The following MFN2 variants were observed in gnomAD, a reference collection of about 807,000 sequenced individuals.
MFN2 encodes mitofusin-2.
In MFN2, 43 loss-of-function variants were observed where a neutral mutation model predicts 87.5. The observed-to-expected ratio is 0.49, with a 90% CI of 0.38 to 0.63. The LOEUF is 0.63. Among genes scored for constraint, MFN2 ranks in the 30% least tolerant of loss-of-function variants. The pLI is 0.00. For synonymous variants in MFN2, 337 were observed against 359.9 expected, an observed-to-expected ratio of 0.94 and a Z score of 0.72; for missense variants, 743 against 972.8, an observed-to-expected ratio of 0.76 and a Z score of 3.14.
chr1:12,013,112 G>T lies in MFN2; in HGVS notation c.*1547G>T, dbSNP rs1195633872. Reference sequence around the variant, plus strand: ...GGGTGGATGTTCCCGGCGTGTGCCGGGCCTGAATGGACAGGGGCCACTTCA... The same window carrying T: ...GGGTGGATGTTCCCGGCGTGTGCCGTGCCTGAATGGACAGGGGCCACTTCA... On this transcript the variant is annotated 3_prime_UTR_variant, in exon 19 of 19. Transcript: ENST00000235329. 3 of 345,200 alleles carry T rather than the reference G, an allele frequency of 8.7e-6. No homozygotes were observed. Among genetic ancestry groups the T allele is most frequent in the African/African-American group, 6.5e-5 (3 of 46,236 alleles). 21.4% of individuals were successfully genotyped at this position (345,200 alleles called of 1,614,324 possible).
In MFN2 at chr1:11,997,319, C is replaced by G; in HGVS notation, c.497C>G (p.Ala166Gly). 1 of 1,614,154 alleles carries G rather than the reference C, an allele frequency of 6.2e-7. No individual in the cohort carries two copies. Among genetic ancestry groups the G allele is most frequent in the Non-Finnish European group, 8.5e-7 (1 of 1,180,022 alleles). Residue 166 changes from alanine to glycine, a missense_variant, in exon 6 of 19, where the codon GCC becomes GGC. Coordinates refer to ENST00000235329, the MANE Select transcript of MFN2 (RefSeq NM_014874.4). ...SAKTVNQLAH[A>G]LHQDKQLHAG... ...CAGACTGTGAACCAGCTGGCCCATG[C>G]CCTCCACCAGGACAAGCAGCTCCAT...
chr1:11,981,120 T>C (rs1172712933), intron 1 of MFN2, among the ~76,000 whole-genome samples: 1 of 152,196 alleles, frequency 6.6e-6, no homozygotes, highest in Non-Finnish European at 1.5e-5. Flanking sequence ...GCTCTGGTTA[T>C]CTCTTTTCTA....
At chr1:11,988,409 T>TC (rs1166908524) in intron 2 of MFN2, among the ~76,000 whole-genome samples, 2 of 150,762 alleles carry the variant, frequency 1.3e-5, no homozygotes, top group Non-Finnish European at 3.0e-5. Flanking sequence ...GGCTGTTTTT[T>TC]TTTTTTTTTT....
At chr1:12,008,783 G>A (rs904780808) in intron 17 of MFN2, among the ~76,000 whole-genome samples, 7 of 151,218 alleles carry the variant, frequency 4.6e-5, no homozygotes, top group African/African-American at 9.7e-5. Context: ...AGGCAGAGAC[G>A]CTCCTCACTT....
Position 12,013,410 on chromosome 1 carries a change from A to T in MFN2, c.*1845A>T. On this transcript the variant is annotated 3_prime_UTR_variant, in exon 19 of 19. Coordinates refer to ENST00000235329, the MANE Select transcript of MFN2 (RefSeq NM_014874.4). ...GAGCGCAAGACGTGCTGACACAGTG[A>T]GTTTTCTCTGATGTATTTAAGGTGA... 1 of 470,588 alleles carries T rather than the reference A, an allele frequency of 2.1e-6. No individual in the cohort carries two copies. Among genetic ancestry groups the T allele is most frequent in the Non-Finnish European group, 4.4e-6 (1 of 226,846 alleles). 29.2% of individuals were successfully genotyped at this position (470,588 alleles called of 1,614,324 possible). A position where few individuals can be genotyped will look rare whatever the true frequency, so the allele number is the denominator to read the frequency against.
At chr1:12,007,284 C>G in intron 17 of MFN2, 35 bp downstream of exon 17, 1 of 1,605,540 alleles carries the variant, frequency 6.2e-7, no homozygotes. Context: ...CAGGGGACTT[C>G]CTTTAGGCAG....
At chr1:11,997,202 C>T in intron 5 of MFN2, 95 bp from the exon 6 acceptor site, 1 of 1,577,548 alleles carries the variant, frequency 6.3e-7, no homozygotes, top group Admixed American at 1.7e-5. Context: ...AGATGGGCAG[C>T]ATTCCCAGCC....
chr1:11,996,759 C>T (rs537396911), intron 5 of MFN2, among the ~76,000 whole-genome samples: 9 of 152,134 alleles, frequency 5.9e-5, no homozygotes, highest in East Asian at 5.8e-4. Flanking sequence ...ATCAATTGGT[C>T]GGGCACGGTG....
intron 2 of MFN2, among the ~76,000 whole-genome samples, chr1:11,985,824 C>A (rs1461143346): frequency 3.9e-5 from 6 of 152,154 alleles, no homozygotes; most frequent in Admixed American, 3.3e-4. Flanking sequence ...GCCACATCCC[C>A]TCTTTCTCGA....
intron 2 of MFN2, among the ~76,000 whole-genome samples, chr1:11,987,174 G>T (rs1310765088): frequency 6.6e-6 from 1 of 151,880 alleles, no homozygotes; most frequent in Non-Finnish European, 1.5e-5. Flanking sequence ...TGGGTGTGGT[G>T]GTACATGCCC....
At chr1:11,992,776 C>A in intron 4 of MFN2, 86 bp downstream of exon 4, 2 of 1,514,192 alleles carry the variant, frequency 1.3e-6, no homozygotes, top group Non-Finnish European at 1.8e-6. Context: ...ACGTTCCAGG[C>A]AGGGACATGC....
chr1:12,009,788 C>T, intron 18 of MFN2, 62 bp downstream of exon 18: 1 of 1,611,240 alleles, frequency 6.2e-7, no homozygotes, highest in African/African-American at 1.3e-5. Context: ...CACACTGGGG[C>T]TCAGCTGCTG....
chr1:12,001,282 G>A, intron 8 of MFN2, 119 bp from the exon 9 acceptor site: 1 of 1,400,382 alleles, frequency 7.1e-7, no homozygotes, highest in Non-Finnish European at 9.8e-7. Flanking sequence ...CAAAGTGCTG[G>A]GATTACAGGC....
At chr1:12,008,533 G>A (rs1414020087) in intron 17 of MFN2, among the ~76,000 whole-genome samples, 18 of 151,966 alleles carry the variant, frequency 1.2e-4, no homozygotes, top group Admixed American at 9.2e-4. Flanking sequence ...AGACGGGGGC[G>A]GCTGCCTGGC....
rs1295889349 is a variant in MFN2 at position 12,013,010 on chromosome 1, C to A, written c.*1445C>A. ...TCACAGGTGATGTCCTGTTCACATA[C>A]CTGCTTGTATTTAAAGCCCTCAGTC... On this transcript the variant is annotated 3_prime_UTR_variant, in exon 19 of 19. Coordinates refer to ENST00000235329, the MANE Select transcript of MFN2 (RefSeq NM_014874.4). 1 of 257,600 alleles carries A rather than the reference C, an allele frequency of 3.9e-6. No homozygotes were observed. The highest frequency in any genetic ancestry group is 7.7e-6 in the Non-Finnish European group (1 of 129,524). 16.0% of individuals were successfully genotyped at this position (257,600 alleles called of 1,614,324 possible).
At chr1:11,984,985 A>C (rs997337683) in intron 2 of MFN2, among the ~76,000 whole-genome samples, 5 of 152,236 alleles carry the variant, frequency 3.3e-5, no homozygotes, top group Non-Finnish European at 5.9e-5. Flanking sequence ...AGAGGGGGTC[A>C]TGGGAACCCC....
At chr1:11,993,454 T>C (rs1045815700) in intron 4 of MFN2, among the ~76,000 whole-genome samples, 3 of 152,110 alleles carry the variant, frequency 2.0e-5, no homozygotes, top group African/African-American at 7.2e-5. Flanking sequence ...TCTAAAAATA[T>C]GCCGGGCATG....
intron 17 of MFN2, among the ~76,000 whole-genome samples, chr1:12,007,710 C>T (rs1639482338): frequency 6.6e-6 from 1 of 151,906 alleles, no homozygotes; most frequent in Non-Finnish European, 1.5e-5. Context: ...CATTTTGCAC[C>T]TAATTATTTC....
At chr1:11,981,121 C>T (rs1214273666) in intron 1 of MFN2, among the ~76,000 whole-genome samples, 2 of 152,206 alleles carry the variant, frequency 1.3e-5, no homozygotes, top group African/African-American at 2.4e-5. Flanking sequence ...CTCTGGTTAT[C>T]TCTTTTCTAC....
Sources: gnomAD v4.1 joint callset for allele counts (sites outside exome capture counted in the v4.1 genomes callset) on GRCh38, gnomAD v4.1.1 for gene constraint, MANE v1.5 for transcripts, NCBI Gene and HGNC (gene_info 2026-07-23, HGNC 2026-07-21) for gene names.